Variants in PHKA2 observed in about 807,000 individuals in gnomAD.
PHKA2 encodes phosphorylase b kinase regulatory subunit alpha, liver isoform.
PHKA2 carries 31 observed loss-of-function variants against 102.0 expected under a neutral mutation model. The observed-to-expected ratio is 0.30, with a 90% CI of 0.23 to 0.41. PHKA2 has a LOEUF of 0.41. Ranked by LOEUF, PHKA2 falls within the 10% of genes least tolerant of loss-of-function variation. The pLI, the probability that PHKA2 is intolerant of heterozygous loss-of-function variation, is 1.00. For synonymous variants in PHKA2, 455 were observed against 416.2 expected (o/e 1.09, Z -1.13); for missense variants, 858 against 1,023.1 (o/e 0.84, Z 2.20).
At chrX:18,911,721 T>A (rs765343979) in intron 19 of PHKA2, among the ~76,000 whole-genome samples, 1 of 112,872 alleles carries the variant, frequency 8.9e-6, no homozygotes, top group South Asian at 3.6e-4. Context: ...AGCCACCTCA[T>A]GTGCTAAATC....
Position 18,943,503 on chromosome X carries a change from A to G in PHKA2, c.717+207T>C, listed in dbSNP as rs183439393. ...GTGTCTTATACTTTTCTGGCTTACA[A>G]AGTGCTTAGACAGACTAAGTTGACT... On this transcript the variant is annotated intron_variant, in intron 7 of 32. Transcript: ENST00000379942. 8.9e-3 allele frequency among the ~76,000 whole-genome samples: 1,002 copies of G among 112,557 alleles called. 9 individuals carry two copies. The highest frequency in any genetic ancestry group is 0.014 in the Middle Eastern group (3 of 218).
At position 18,908,807 on chromosome X, in the gene PHKA2, A is replaced by T. The variant is rs2047871288; in HGVS notation, c.2354T>A (p.Val785Asp). Reference protein sequence around the residue: ...DQADILYILYVIKGPSWDTNL... With the variant: ...DQADILYILYDIKGPSWDTNL... ...AATGGACTCAGACACTTACTTTATGACATAAAGAATGTACAGAATGTCTGC... is the reference window on the plus strand; with the variant it reads ...AATGGACTCAGACACTTACTTTATGTCATAAAGAATGTACAGAATGTCTGC... Residue 785 changes from valine (V) to aspartate (D), a missense_variant, in exon 21 of 33, where the codon GTC becomes GAC. Physicochemically the swap from Val to Asp is radical, Grantham distance 152. This residue lies in a region of PHKA2 where 671 missense variants were observed against 745.2 expected (regional missense o/e 0.90). Coordinates refer to ENST00000379942, the MANE Select transcript of PHKA2 (RefSeq NM_000292.3). 4 of 1,200,832 alleles carry T rather than the reference A, an allele frequency of 3.3e-6. No individual in the cohort carries two copies. In the Admixed American group the frequency reaches 6.6e-5, roughly 20 times the overall value.
chrX:18,954,509 C>T (rs1192783963), intron 1 of PHKA2, 97 bp from the exon 2 acceptor site: 7 of 885,906 alleles, frequency 7.9e-6, no homozygotes, highest in Non-Finnish European at 9.7e-6. Flanking sequence ...GGACCGGGAC[C>T]TGGAGCAGGG....
chrX:18,908,853 A>G lies in PHKA2; in HGVS notation c.2308T>C (p.Cys770Arg). 1 of 1,210,455 alleles carries G rather than the reference A, an allele frequency of 8.3e-7. No individual in the cohort carries two copies. Among genetic ancestry groups the G allele is most frequent in the East Asian group, 3.0e-5 (1 of 33,835 alleles). The part of the protein sequence containing the change: ...CEKLVEQLKD[C>R]SNLQDQADIL... ...TCTGCTTGGTCCTGTAGGTTCGAAC[A>G]ATCTTTTAGCTGCTCAACCAGCTTC... The change falls in exon 21 of 33, where the codon TGT becomes CGT. Residue 770 changes from cysteine (C) to arginine (R), a missense_variant. Physicochemically the swap from Cys to Arg is radical, Grantham distance 180. This residue lies in a region of PHKA2 where 671 missense variants were observed against 745.2 expected (regional missense o/e 0.90). Transcript: ENST00000379942.
At chrX:18,895,585 ATTT>A in intron 30 of PHKA2, 1 of 207,427 alleles carries the variant, frequency 4.8e-6, no homozygotes, top group Non-Finnish European at 8.9e-6. Flanking sequence ...GCAGGCATCT[ATTT>A]TTGAGATTTC....
chrX:18,939,356 A>AC (rs1049675849), intron 9 of PHKA2, among the ~76,000 whole-genome samples: 14 of 109,054 alleles, frequency 1.3e-4, no homozygotes, highest in Non-Finnish European at 2.3e-4. Flanking sequence ...ATTTTATTTT[A>AC]TTTTTTTTGT....
intron 20 of PHKA2, among the ~76,000 whole-genome samples, chrX:18,909,807 G>T (rs941634692): frequency 1.8e-5 from 2 of 112,398 alleles, no homozygotes; most frequent in African/African-American, 6.5e-5. Flanking sequence ...GGTGTCAAGC[G>T]GCTTCTAGAC....
At chrX:18,908,134 G>A in intron 21 of PHKA2, 78 bp from the exon 22 acceptor site, 1 of 1,006,718 alleles carries the variant, frequency 9.9e-7, no homozygotes, top group African/African-American at 1.9e-5. Context: ...TGTGCATTTT[G>A]CACAGCACTT....
At position 18,957,738 on chromosome X, in the gene PHKA2, T is replaced by TTATATATATATATA. The variant is rs748964864; in HGVS notation, c.79-3340_79-3327dup. Among the ~76,000 whole-genome samples the TTATATATATATATA allele has an allele frequency of 2.7e-3, 258 of 95,103 alleles. 7 individuals are homozygous for TTATATATATATATA. Among genetic ancestry groups the TTATATATATATATA allele is most frequent in the African/African-American group, 9.5e-3 (216 of 22,729 alleles). 82.6% of individuals were successfully genotyped at this position (95,103 alleles called of 115,157 possible). A position where few individuals can be genotyped will look rare whatever the true frequency, so the allele number is the denominator to read the frequency against. ...TTTCCTATGTGTTACTAAAACCAGA[T>TTATATATATATATA]TATATATATATATATATATATAATT... On this transcript the variant is annotated intron_variant, in intron 1 of 32. Coordinates refer to ENST00000379942, the MANE Select transcript of PHKA2 (RefSeq NM_000292.3).
chrX:18,923,096 C>T (rs1200835667), intron 17 of PHKA2, among the ~76,000 whole-genome samples: 2 of 97,710 alleles, frequency 2.0e-5, no homozygotes, highest in Admixed American at 2.4e-4. Flanking sequence ...GTTACCCAGG[C>T]TGGAGTGCAG....
chrX:18,919,885 T>C, intron 18 of PHKA2, 147 bp downstream of exon 18: 1 of 524,565 alleles, frequency 1.9e-6, no homozygotes, highest in South Asian at 2.7e-5. Context: ...CATTTTAATA[T>C]ATGCAAGTTT....
chrX:18,926,388 G>A, intron 14 of PHKA2, 65 bp downstream of exon 14: 2 of 922,902 alleles, frequency 2.2e-6, no homozygotes, highest in Non-Finnish European at 3.2e-6. Flanking sequence ...GTCTCCCTCA[G>A]ACCCCAAATC....
intron 7 of PHKA2, 148 bp from the exon 8 acceptor site, chrX:18,941,823 C>A: frequency 2.0e-6 from 1 of 502,891 alleles, no homozygotes; most frequent in Non-Finnish European, 3.6e-6. Context: ...CCCCTGCTGG[C>A]CAACACTGTA....
chrX:18,897,156 G>A lies in PHKA2; in HGVS notation c.3282+7C>T, dbSNP rs200325685. On this transcript the variant is annotated splice_region_variant and intron_variant, in intron 30 of 32. Coordinates refer to ENST00000379942, the MANE Select transcript of PHKA2 (RefSeq NM_000292.3). ...TCACTTCCCCAGGAGCTCGCGTCTCGGCTTACCTTCTGGAGGATCTTCCAC... is the reference window on the plus strand; with the variant it reads ...TCACTTCCCCAGGAGCTCGCGTCTCAGCTTACCTTCTGGAGGATCTTCCAC... 96 of 1,209,027 alleles carry A rather than the reference G, an allele frequency of 7.9e-5. No homozygotes were observed. The highest frequency in any genetic ancestry group is 9.6e-5 in the Non-Finnish European group (86 of 894,463).
chrX:18,951,368 T>C, intron 3 of PHKA2, 96 bp from the exon 4 acceptor site: 1 of 868,354 alleles, frequency 1.2e-6, no homozygotes, highest in South Asian at 2.0e-5. Context: ...AGAGCTCTTA[T>C]CTGCTACTTC....
At chrX:18,952,161 C>T (rs750096836) in intron 3 of PHKA2, among the ~76,000 whole-genome samples, 1 of 70,885 alleles carries the variant, frequency 1.4e-5, no homozygotes, top group African/African-American at 5.9e-5. Context: ...CCAGCCTGGG[C>T]AACATAGTGA....
chrX:18,930,722 C>A lies in PHKA2; in HGVS notation c.1245+919G>T, dbSNP rs372487084. Among the ~76,000 whole-genome samples, 8 of 111,744 alleles carry A rather than the reference C, an allele frequency of 7.2e-5. No individual in the cohort carries two copies. In the East Asian group the frequency reaches 1.7e-3, roughly 24 times the overall value. On this transcript the variant is annotated intron_variant, in intron 12 of 32. Coordinates refer to ENST00000379942, the MANE Select transcript of PHKA2 (RefSeq NM_000292.3). ...ACAGGAGTGGAAGACACAGCCCCTA[C>A]TCCAAGGACATGACCATGACACTGG...
chrX:18,954,374 C>T lies in PHKA2; in HGVS notation c.117G>A (p.Gln39=). ...TGTTATCCCGCACCCAGGCATCCTTCTGCTCATGGCTGGCTGACAGCAGCC... is the reference window on the plus strand; with the variant it reads ...TGTTATCCCGCACCCAGGCATCCTTTTGCTCATGGCTGGCTGACAGCAGCC... ...VTGLLSASHE[Q]KDAWVRDNIY... The change falls in exon 2 of 33, where the codon CAG becomes CAA. Residue 39 remains glutamine (Q), a synonymous_variant. Transcript: ENST00000379942. The T allele has an allele frequency of 8.3e-7, 1 of 1,211,681 alleles. No homozygotes were observed. The highest frequency in any genetic ancestry group is 1.1e-6 in the Non-Finnish European group (1 of 895,279).
chrX:18,931,511 T>C, intron 12 of PHKA2, 130 bp downstream of exon 12: 2 of 569,172 alleles, frequency 3.5e-6, no homozygotes, highest in East Asian at 3.3e-5. Flanking sequence ...CACGGTCCAG[T>C]TGACCTTAAA....
Sources: allele counts gnomAD v4.1 joint callset (sites outside exome capture counted in the v4.1 genomes callset), GRCh38; gene constraint gnomAD v4.1.1; regional missense constraint gnomAD v4.1.1; transcripts MANE v1.5; gene names NCBI Gene and HGNC (gene_info 2026-07-23, HGNC 2026-07-21).